RP1: variants seen among roughly 807,000 people sequenced by gnomAD.
RP1 encodes oxygen-regulated protein 1.
Under a neutral mutation model 14.8 loss-of-function variants are expected in RP1, and 16 were observed. The observed-to-expected ratio is 1.08, with a 90% CI of 0.73 to 1.65. The LOEUF (loss-of-function observed/expected upper bound fraction) is 1.65, where lower values mean the gene tolerates loss of function less well. Ranked by LOEUF, RP1 falls within the 40% of genes most tolerant of loss-of-function variation. The probability of loss-of-function intolerance (pLI) is 0.00; values close to 1 mark genes in which losing one functional copy is unlikely to be tolerated. For missense variants in RP1, 2,631 were observed against 2,535.0 expected (o/e 1.04, Z -0.81); for synonymous variants, 876 against 883.6 (o/e 0.99, Z 0.15).
At chr8:54,663,798 G>C in exon 7 of RP1, 3 of 1,535,004 alleles carry the variant, frequency 2.0e-6, no homozygotes, top group Non-Finnish European at 2.6e-6. Context: ...GGAGATACAG[G>C]ATCCAGACAA....
At chr8:54,662,333 C>A (rs774253613) in intron 6 of RP1, among the ~76,000 whole-genome samples, 5 of 152,086 alleles carry the variant, frequency 3.3e-5, no homozygotes, top group Non-Finnish European at 7.4e-5. Context: ...AATGCCAGTT[C>A]AGTTCTTAAA....
chr8:54,833,357 G>A (rs1340073599), intron 24 of RP1, among the ~76,000 whole-genome samples: 1 of 151,832 alleles, frequency 6.6e-6, no homozygotes, highest in Non-Finnish European at 1.5e-5. Flanking sequence ...CTCATTTAAG[G>A]TCAAATCCCT....
At chr8:54,622,553 A>G (rs917907360) in intron 3 of RP1, among the ~76,000 whole-genome samples, 3 of 152,304 alleles carry the variant, frequency 2.0e-5, no homozygotes, top group African/African-American at 7.2e-5. Flanking sequence ...TACCTAGTTA[A>G]AAAAATAAAA....
chr8:54,853,800 GAA>G (rs1441349618), intron 26 of RP1, among the ~76,000 whole-genome samples: 1 of 136,926 alleles, frequency 7.3e-6, no homozygotes, highest in Non-Finnish European at 1.6e-5. Flanking sequence ...AAGAGAGAGA[GAA>G]AGAAAGAGAA....
At chr8:54,634,923 T>C (rs992905027), downstream of RP1, among the ~76,000 whole-genome samples, 16 of 151,776 alleles carry the variant, frequency 1.1e-4, no homozygotes, top group Non-Finnish European at 1.6e-4. Context: ...CTACTAAAAA[T>C]ACAAAAAAAT....
chr8:54,857,857 A>G (rs1051515666), intron 27 of RP1, among the ~76,000 whole-genome samples: 16 of 152,122 alleles, frequency 1.1e-4, no homozygotes, highest in African/African-American at 3.6e-4. Context: ...CACTTCATTC[A>G]TATCTTTCCT....
intron 19 of RP1, among the ~76,000 whole-genome samples, chr8:54,740,255 C>G (rs962378364): frequency 2.0e-5 from 3 of 150,884 alleles, no homozygotes; most frequent in African/African-American, 7.3e-5. Flanking sequence ...TAGGAGATGA[C>G]AGCTTCATGC....
chr8:54,859,203 C>T (rs1329154473), intron 27 of RP1, among the ~76,000 whole-genome samples: 2 of 151,568 alleles, frequency 1.3e-5, no homozygotes, highest in African/African-American at 4.9e-5. Flanking sequence ...AGTGCAATGT[C>T]ACTGTGGAGC....
At chr8:54,648,916 G>T in intron 3 of RP1, 1 of 1,146,956 alleles carries the variant, frequency 8.7e-7, no homozygotes, top group South Asian at 2.2e-5. Context: ...GTTTTATGAT[G>T]ACCTGCTGTT....
intron 23 of RP1, among the ~76,000 whole-genome samples, chr8:54,782,300 A>G (rs887040636): frequency 6.6e-6 from 1 of 152,124 alleles, no homozygotes; most frequent in African/African-American, 2.4e-5. Context: ...ATCTTTCTTA[A>G]CAAAGATGAC....
chr8:54,735,654 TTTCGCTGAAGAA>T (rs1272715930), intron 18 of RP1, among the ~76,000 whole-genome samples: 12 of 152,284 alleles, frequency 7.9e-5, no homozygotes, highest in African/African-American at 2.6e-4. Context: ...TAAAGTTAAT[TTTCGCTGAAGAA>T]AAGCAGTTGT....
chr8:54,739,333 C>A (rs1809011727), intron 19 of RP1, among the ~76,000 whole-genome samples: 1 of 152,058 alleles, frequency 6.6e-6, no homozygotes, highest in African/African-American at 2.4e-5. Context: ...TCATACAGAG[C>A]TCTCTGACTT....
chr8:54,580,456 G>A (rs911787983), intron 1 of RP1, among the ~76,000 whole-genome samples: 20 of 150,130 alleles, frequency 1.3e-4, no homozygotes, highest in East Asian at 3.9e-4. Flanking sequence ...ACAGGCGTGC[G>A]CCACCACGCC....
chr8:54,705,824 T>A (rs1014298417), intron 14 of RP1, among the ~76,000 whole-genome samples: 1 of 151,932 alleles, frequency 6.6e-6, no homozygotes, highest in African/African-American at 2.4e-5. Flanking sequence ...TTTAGCTTTT[T>A]TTTTTTTTTG....
Position 54,630,003 on chromosome 8 carries a change from T to C in RP1, c.6121T>C (p.Leu2041=). 1.2e-6 allele frequency: 2 copies of C among 1,614,046 alleles called. No homozygotes were observed. Among genetic ancestry groups the C allele is most frequent in the East Asian group, 2.2e-5 (1 of 44,844 alleles). ...TTGTATGAATTTCTTGCACACATCA[T>C]TGTTAGTTGTGGGTAATGTGGATTC... ...RFCMNFLHTS[L]LVVGNVDSNT... is the part of the protein sequence containing the mutation. The change falls in exon 4 of 4, where the codon TTG becomes CTG. Residue 2041 remains leucine (L), a synonymous_variant. Coordinates refer to ENST00000220676, the MANE Select transcript of RP1 (RefSeq NM_006269.2).
intron 21 of RP1, chr8:54,755,858 C>T (rs1563367203): frequency 1.6e-6 from 2 of 1,223,388 alleles, no homozygotes; most frequent in Non-Finnish European, 2.2e-6. Flanking sequence ...GCGTTTGGCA[C>T]TCTTCAAATT....
chr8:54,846,544 A>G (rs1811924852), intron 25 of RP1, among the ~76,000 whole-genome samples: 1 of 152,240 alleles, frequency 6.6e-6, no homozygotes, highest in South Asian at 2.1e-4. Context: ...CATGTAAATT[A>G]TATTTCAACA....
At chr8:54,656,654 T>A (rs935006848) in intron 6 of RP1, among the ~76,000 whole-genome samples, 8 of 151,534 alleles carry the variant, frequency 5.3e-5, no homozygotes, top group Admixed American at 6.6e-5. Context: ...AGCAGAGATG[T>A]GTTCAAGCCT....
chr8:54,749,616 T>C (rs1414080430), intron 19 of RP1, among the ~76,000 whole-genome samples: 2 of 152,086 alleles, frequency 1.3e-5, no homozygotes, highest in East Asian at 3.9e-4. Context: ...GATAAAGCCT[T>C]CAAGAGGAGT....
Sources: gnomAD v4.1 joint callset for allele counts (sites outside exome capture counted in the v4.1 genomes callset) on GRCh38, gnomAD v4.1.1 for gene constraint, MANE v1.5 for transcripts, NCBI Gene and HGNC (gene_info 2026-07-23, HGNC 2026-07-21) for gene names.